PSMB10: variants seen among roughly 807,000 people sequenced by gnomAD.
PSMB10 encodes the protein proteasome subunit beta type-10.
A neutral mutation model predicts 29.8 loss-of-function variants in PSMB10; 29 were observed. The ratio of observed to expected loss-of-function variants is 0.97; its 90% CI spans 0.73 to 1.33. The LOEUF (loss-of-function observed/expected upper bound fraction) is 1.33, where lower values mean the gene tolerates loss of function less well. Ranked by LOEUF, PSMB10 falls within the 40% of genes most tolerant of loss-of-function variation. PSMB10 has a pLI of 0.00. For synonymous variants in PSMB10, 157 were observed against 164.7 expected (o/e 0.95, Z 0.36); for missense variants, 327 against 369.2 (o/e 0.89, Z 0.94).
intron 4 of PSMB10, 103 bp downstream of exon 4, chr16:67,935,860 T>A (rs1477987354): frequency 1.3e-6 from 2 of 1,515,932 alleles, no homozygotes; most frequent in East Asian, 4.6e-5. Context: ...CCTCTTCCGG[T>A]CACCTGGCCC....
At chr16:67,935,881 C>A in intron 4 of PSMB10, 82 bp downstream of exon 4, 2 of 1,550,520 alleles carry the variant, frequency 1.3e-6, no homozygotes, top group Non-Finnish European at 1.7e-6. Context: ...GTCGCGGTCC[C>A]GCCCTTCTTT....
At position 67,935,470 on chromosome 16, in the gene PSMB10, G is replaced by A. The variant is rs765112818; in HGVS notation, c.508C>T (p.Gln170Ter). Residue 170 changes from glutamine to a stop codon, truncating the protein, a stop_gained, in exon 6 of 8, where the codon CAG becomes TAG. Coordinates refer to ENST00000358514, the MANE Select transcript of PSMB10 (RefSeq NM_002801.4). LOFTEE classifies it high-confidence loss of function. Reference protein sequence around the residue: ...RLPFTALGSGQDAALAVLEDR... With the variant: ...RLPFTALGSG ...TCTAGCACCGCCAGGGCCGCGTCCT[G>A]ACCAGAGCCTGAAGGCAGGAGAAGC... The A allele has an allele frequency of 1.9e-6, 3 of 1,614,204 alleles. No individual in the cohort carries two copies. Among genetic ancestry groups the A allele is most frequent in the Non-Finnish European group, 1.7e-6 (2 of 1,180,052 alleles).
rs1598199438 is a variant in PSMB10 at position 67,934,972 on chromosome 16, C to T, written c.559-24G>A. On this transcript the variant is annotated intron_variant, in intron 6 of 7. Coordinates refer to ENST00000358514, the MANE Select transcript of PSMB10 (RefSeq NM_002801.4). This position sits in a 1 kb window ranked among gnomAD's most constrained non-coding sequence, Gnocchi z 4.3. ...AGCTGCGGTGATGGGTGTGTGAGAC[C>T]TAACGGGCTCTCTCTGCTGTTAACT... is the stretch of plus-strand genomic sequence containing the variant. 3 of 1,603,804 alleles carry T rather than the reference C, an allele frequency of 1.9e-6. No individual in the cohort carries two copies. The highest frequency in any genetic ancestry group is 2.2e-5 in the East Asian group (1 of 44,856).
intron 1 of PSMB10, 37 bp from the exon 2 acceptor site, chr16:67,936,522 C>T: frequency 6.4e-7 from 1 of 1,572,912 alleles, no homozygotes; most frequent in Non-Finnish European, 8.7e-7. Context: ...TTCGGCTCTG[C>T]TTTCAAGACC....
rs1311298935 is a variant in PSMB10, at chr16:67,936,681, G to A, written c.56+13C>T. On this transcript the variant is annotated intron_variant, in intron 1 of 7. Transcript: ENST00000358514. ...CGGCTCAGGAGTGACCGCCCCCCGC[G>A]CCCCCGCTTCACCTTTGGCAGTTCT... 2 of 1,548,024 alleles carry A rather than the reference G, an allele frequency of 1.3e-6. No homozygotes were observed. The highest frequency in any genetic ancestry group is 2.4e-5 in the South Asian group (2 of 84,098).
intron 4 of PSMB10, 44 bp downstream of exon 4, chr16:67,935,919 C>A (rs1241134061): frequency 6.3e-7 from 1 of 1,587,332 alleles, no homozygotes; most frequent in Non-Finnish European, 8.6e-7. Flanking sequence ...GGCCCCAACC[C>A]CGTAACTACC....
In PSMB10 at chr16:67,934,584, A is replaced by C. The variant is rs2058255314; in HGVS notation, c.798T>G (p.Thr266=). ...CTTACTCCACCTCCATAGCCTGCAC[A>C]GTTTCCTCCACTAGCTCCAGGGTTA... ...KPLTLELVEE[T]VQAMEVE is the part of the protein sequence containing the mutation. Residue 266 remains threonine (T), a synonymous_variant, in exon 8 of 8, where the codon ACT becomes ACG. Transcript: ENST00000358514. The surrounding 1 kb of genome is among the most constrained non-coding windows in gnomAD (Gnocchi z 4.3). The C allele has an allele frequency of 2.9e-5, 47 of 1,614,130 alleles. No homozygotes were observed. The East Asian group carries it at 1.0e-3, about 36-fold the overall frequency.
At chr16:67,936,630 GA>G (rs1555499693) in intron 1 of PSMB10, 63 bp downstream of exon 1, 4 of 1,492,364 alleles carry the variant, frequency 2.7e-6, no homozygotes, top group East Asian at 2.5e-5. Flanking sequence ...CCCCAGCCAG[GA>G]AAAAAGGCCA....
At chr16:67,935,921 G>A (rs1467156243) in intron 4 of PSMB10, 42 bp downstream of exon 4, 3 of 1,587,614 alleles carry the variant, frequency 1.9e-6, no homozygotes, top group South Asian at 2.2e-5. Flanking sequence ...CCCCAACCCC[G>A]TAACTACCCC....
In PSMB10 at chr16:67,934,527, T is replaced by C; in HGVS notation, c.*33A>G. The C allele has an allele frequency of 1.3e-6, 2 of 1,584,560 alleles. No individual in the cohort carries two copies. Among genetic ancestry groups the C allele is most frequent in the Non-Finnish European group, 1.7e-6 (2 of 1,153,482 alleles). On this transcript the variant is annotated 3_prime_UTR_variant, in exon 8 of 8. Coordinates refer to ENST00000358514, the MANE Select transcript of PSMB10 (RefSeq NM_002801.4). The surrounding 1 kb of genome is among the most constrained non-coding windows in gnomAD (Gnocchi z 4.3). Reference sequence around the variant, plus strand: ...TCTGTTTAACTGTATTTTCTGGGTTTATTCCCCCTTGTTCCAAGCTCTAAG... The same window carrying C: ...TCTGTTTAACTGTATTTTCTGGGTTCATTCCCCCTTGTTCCAAGCTCTAAG...
Position 67,935,588 on chromosome 16 carries a change from CTG to C in PSMB10, c.491_492del (p.Thr164SerfsTer41). ...AAGGGACAGAAGCGCTCACCCAGGGCTGTGAAGGGCAGACGGCTGTAGGAGCC... is the reference window on the plus strand; with the variant it reads ...AAGGGACAGAAGCGCTCACCCAGGGCTGAAGGGCAGACGGCTGTAGGAGCC... ...PHGSYSRLPF[T>X]ALGSGQDAAL... On this transcript the variant is annotated frameshift_variant, in exon 5 of 8. Transcript: ENST00000358514. LOFTEE classifies it high-confidence loss of function. The C allele has an allele frequency of 6.2e-7, 1 of 1,614,234 alleles. No homozygotes were observed. Among genetic ancestry groups the C allele is most frequent in the Non-Finnish European group, 8.5e-7 (1 of 1,180,038 alleles).
Position 67,935,648 on chromosome 16 carries a change from T to A in PSMB10, c.433A>T (p.Thr145Ser). The A allele has an allele frequency of 6.2e-7, 1 of 1,614,086 alleles. No individual in the cohort carries two copies. The highest frequency in any genetic ancestry group is 8.5e-7 in the Non-Finnish European group (1 of 1,179,986). The change falls in exon 5 of 8, where the codon ACT becomes TCT. Residue 145 changes from threonine (T) to serine (S), a missense_variant. Physicochemically the swap from Thr to Ser is moderately conservative, Grantham distance 58. Transcript: ENST00000358514. ...ASLIVGGVDL[T>S]GPQLYGVHPH... ...TGCACACCGTAGAGCTGCGGTCCAG[T>A]CAGGTCTACGCCGCCCACGATCAGC...
intron 6 of PSMB10, 166 bp from the exon 7 acceptor site, chr16:67,935,114 C>A (rs985826050): frequency 3.4e-6 from 3 of 874,450 alleles, no homozygotes; most frequent in African/African-American, 3.4e-5. Context: ...TCACCTGCTT[C>A]CATCCCACCC....
Position 67,936,059 on chromosome 16 carries a change from C to G in PSMB10, c.287G>C (p.Arg96Pro). Reference sequence around the variant, plus strand: ...TAGCTCCATCTTGGACGCCACCATCCGTGTGGTCATCTCGGCGTCCGCGGC... The same window carrying G: ...TAGCTCCATCTTGGACGCCACCATCGGTGTGGTCATCTCGGCGTCCGCGGC... ...GVAADAEMTT[R>P]MVASKMELHA... Residue 96 changes from arginine (R) to proline (P), a missense_variant, in exon 4 of 8, where the codon CGG becomes CCG. Transcript: ENST00000358514. 1 of 1,612,402 alleles carries G rather than the reference C, an allele frequency of 6.2e-7. No homozygotes were observed. The highest frequency in any genetic ancestry group is 8.5e-7 in the Non-Finnish European group (1 of 1,178,900).
intron 6 of PSMB10, chr16:67,935,182 C>G (rs1456904702): frequency 1.4e-6 from 1 of 697,308 alleles, no homozygotes; most frequent in African/African-American, 1.8e-5. Context: ...GTCCTTCTCT[C>G]CGCCCTCGGC....
At position 67,934,574 on chromosome 16, in the gene PSMB10, T is replaced by C; in HGVS notation, c.808A>G (p.Met270Val). The C allele has an allele frequency of 1.2e-6, 2 of 1,614,014 alleles. No homozygotes were observed. The highest frequency in any genetic ancestry group is 1.7e-6 in the Non-Finnish European group (2 of 1,179,864). Residue 270 changes from methionine (M) to valine (V), a missense_variant, in exon 8 of 8, where the codon ATG becomes GTG. Coordinates refer to ENST00000358514, the MANE Select transcript of PSMB10 (RefSeq NM_002801.4). The surrounding 1 kb of genome is among the most constrained non-coding windows in gnomAD (Gnocchi z 4.3). ...LELVEETVQAMEVE is the reference protein window; with the variant it reads ...LELVEETVQAVEVE ...TAAGCCTCAGCTTACTCCACCTCCA[T>C]AGCCTGCACAGTTTCCTCCACTAGC...
At position 67,935,358 on chromosome 16, in the gene PSMB10, C is replaced by A. The variant is rs1019160623; in HGVS notation, c.558+62G>T. Reference sequence around the variant, plus strand: ...CCGCACTGGGCCAGGGTCCTGTGCTCCCCCAGCTCCCGGGTGCACATCCCA... The same window carrying A: ...CCGCACTGGGCCAGGGTCCTGTGCTACCCCAGCTCCCGGGTGCACATCCCA... On this transcript the variant is annotated intron_variant, in intron 6 of 7. Coordinates refer to ENST00000358514, the MANE Select transcript of PSMB10 (RefSeq NM_002801.4). The A allele has an allele frequency of 5.6e-6, 9 of 1,601,872 alleles. No individual in the cohort carries two copies. In the African/African-American group the frequency reaches 8.0e-5, roughly 14 times the overall value.
At position 67,936,206 on chromosome 16, in the gene PSMB10, G is replaced by A. The variant is rs914954039; in HGVS notation, c.242+9C>T. ...TTTTGCGTACGGGAACTGGGCTCGGGAGTCTCACTAGATTTTGGGGGCGAT... is the reference window on the plus strand; with the variant it reads ...TTTTGCGTACGGGAACTGGGCTCGGAAGTCTCACTAGATTTTGGGGGCGAT... On this transcript the variant is annotated intron_variant, in intron 3 of 7. Coordinates refer to ENST00000358514, the MANE Select transcript of PSMB10 (RefSeq NM_002801.4). 1 of 1,613,856 alleles carries A rather than the reference G, an allele frequency of 6.2e-7. No individual in the cohort carries two copies. The highest frequency in any genetic ancestry group is 8.5e-7 in the Non-Finnish European group (1 of 1,179,784).
chr16:67,935,409 A>C lies in PSMB10; in HGVS notation c.558+11T>G. ...CCAGCGACCACAAAGTCGGGGACAG[A>C]GGCCGCTCACCGTCATGTTCGGCTG... On this transcript the variant is annotated intron_variant, in intron 6 of 7. Coordinates refer to ENST00000358514, the MANE Select transcript of PSMB10 (RefSeq NM_002801.4). The C allele has an allele frequency of 6.2e-7, 1 of 1,613,524 alleles. No homozygotes were observed. Among genetic ancestry groups the C allele is most frequent in the East Asian group, 2.2e-5 (1 of 44,868 alleles).
Sources: allele counts gnomAD v4.1 joint callset, GRCh38; gene constraint gnomAD v4.1.1; non-coding constraint Gnocchi (gnomAD v3.1); transcripts MANE v1.5; gene names NCBI Gene and HGNC (gene_info 2026-07-23, HGNC 2026-07-21).